GRAMD1C: variants seen among roughly 807,000 people sequenced by gnomAD.
The protein encoded by GRAMD1C is protein Aster-C.
A neutral mutation model predicts 97.8 loss-of-function variants in GRAMD1C; 89 were observed. The ratio of observed to expected loss-of-function variants is 0.91; its 90% CI spans 0.77 to 1.09. The LOEUF (loss-of-function observed/expected upper bound fraction) is 1.09, where lower values mean the gene tolerates loss of function less well. GRAMD1C is among the 50% of genes least tolerant of loss of function. The pLI is 0.00. For synonymous variants in GRAMD1C, 256 were observed against 267.0 expected (o/e 0.96, Z 0.40); for missense variants, 740 against 766.4 (o/e 0.97, Z 0.41).
chr3:113,846,594 G>C (rs754731752), intron 2 of GRAMD1C, among the ~76,000 whole-genome samples: 1 of 152,158 alleles, frequency 6.6e-6, no homozygotes, highest in Non-Finnish European at 1.5e-5. Flanking sequence ...AAAAAAGAGG[G>C]ATGTGTTCTA....
At chr3:113,900,051 AT>A (rs1439270306) in intron 6 of GRAMD1C, among the ~76,000 whole-genome samples, 2 of 152,102 alleles carry the variant, frequency 1.3e-5, no homozygotes, top group African/African-American at 4.8e-5. Flanking sequence ...GACTGGTTAG[AT>A]TGCAGAACTA....
chr3:113,909,092 A>G lies in GRAMD1C; in HGVS notation c.924A>G (p.Lys308=). The change falls in exon 9 of 18, where the codon AAA becomes AAG. Residue 308 remains lysine (K), a synonymous_variant. Transcript: ENST00000358160. Reference sequence around the variant, plus strand: ...AAAATGAATATCTTTCTCTGGACAAAAGCAGCACTTCAGATTCTGTTGATG... The same window carrying G: ...AAAATGAATATCTTTCTCTGGACAAGAGCAGCACTTCAGATTCTGTTGATG... ...LNKNEYLSLD[K]SSTSDSVDEE... is the part of the protein sequence containing the mutation. The G allele has an allele frequency of 6.5e-7, 1 of 1,542,968 alleles. No homozygotes were observed. Among genetic ancestry groups the G allele is most frequent in the Admixed American group, 2.2e-5 (1 of 45,070 alleles).
rs1031608671 is a variant in GRAMD1C at position 113,840,583 on chromosome 3, T to TA, written c.27+1659dup. Among the ~76,000 whole-genome samples, 352 of 138,186 alleles carry TA rather than the reference T, an allele frequency of 2.5e-3. 3 individuals carry two copies. Among genetic ancestry groups the TA allele is most frequent in the African/African-American group, 5.9e-3 (222 of 37,644 alleles). 90.7% of individuals were successfully genotyped at this position (138,186 alleles called of 152,430 possible). On this transcript the variant is annotated intron_variant, in intron 1 of 17. Transcript: ENST00000358160. ...AAGCAAGACCCTGTATCTACCAAAA[T>TA]AAAAAAAAAAAAGAAAGAAAAATTA...
intron 9 of GRAMD1C, among the ~76,000 whole-genome samples, chr3:113,909,808 T>A (rs1936502258): frequency 6.6e-6 from 1 of 152,208 alleles, no homozygotes; most frequent in Non-Finnish European, 1.5e-5. Flanking sequence ...AATGATTTTT[T>A]AAAAAGTGTA....
chr3:113,852,594 G>A (rs1318769449), intron 2 of GRAMD1C, among the ~76,000 whole-genome samples: 1 of 151,848 alleles, frequency 6.6e-6, no homozygotes, highest in African/African-American at 2.4e-5. Context: ...AAAACAGCGA[G>A]GGAAATATAC....
chr3:113,869,491 CT>C lies in GRAMD1C; in HGVS notation c.175-11del. 1 of 1,247,440 alleles carries C rather than the reference CT, an allele frequency of 8.0e-7. No individual in the cohort carries two copies. Among genetic ancestry groups the C allele is most frequent in the Non-Finnish European group, 1.2e-6 (1 of 865,992 alleles). The allele number at this position is 1,247,440 out of a possible 1,614,324, so 77.3% of individuals were successfully genotyped here. A position where few individuals can be genotyped will look rare whatever the true frequency, so the allele number is the denominator to read the frequency against. On this transcript the variant is annotated splice_polypyrimidine_tract_variant and intron_variant, in intron 2 of 17. Coordinates refer to ENST00000358160, the MANE Select transcript of GRAMD1C (RefSeq NM_017577.5). ...AATTACAATTAGACAGAAATGTAAT[CT>C]TTTTATTGTTGCAGATTTCAAGTTC...
rs754942702 is a variant in GRAMD1C at position 113,930,821 on chromosome 3, A to G, written c.1198A>G (p.Thr400Ala). Residue 400 changes from threonine to alanine, a missense_variant, in exon 11 of 18, where the codon ACT becomes GCT. Physicochemically the swap from Thr to Ala is moderately conservative, Grantham distance 58. Coordinates refer to ENST00000358160, the MANE Select transcript of GRAMD1C (RefSeq NM_017577.5). ...SPLTGKCTAA[T>A]EKQTLYKESR... is the part of the protein sequence containing the mutation. ...ACTTACTGGAAAATGCACTGCTGCC[A>G]CTGAAAAGCAGGTACGTCTGCTTTG... The G allele has an allele frequency of 6.4e-7, 1 of 1,565,834 alleles. No homozygotes were observed. The highest frequency in any genetic ancestry group is 8.8e-7 in the Non-Finnish European group (1 of 1,136,120).
rs371827177 is a variant in GRAMD1C, at chr3:113,945,329, TA to T, written c.1909-63del. 65 of 1,010,414 alleles carry T rather than the reference TA, an allele frequency of 6.4e-5. 3 individuals are homozygous for T. The highest frequency in any genetic ancestry group is 4.2e-4 in the Middle Eastern group (2 of 4,818). The allele number at this position is 1,010,414 out of a possible 1,614,324, so 62.6% of individuals were successfully genotyped here. On this transcript the variant is annotated intron_variant, in intron 17 of 17. Coordinates refer to ENST00000358160, the MANE Select transcript of GRAMD1C (RefSeq NM_017577.5). ...TAAGTGTCACTGTAAATTTTGGGCA[TA>T]AAAAACAGAAATTTTCAAATCTGAT... is the stretch of plus-strand genomic sequence containing the variant.
chr3:113,870,065 G>C (rs1025047726), intron 3 of GRAMD1C, among the ~76,000 whole-genome samples: 1 of 152,130 alleles, frequency 6.6e-6, no homozygotes. Flanking sequence ...ATCTCATGGA[G>C]ATAGAGTAGA....
At chr3:113,934,347 G>T in intron 12 of GRAMD1C, 85 bp from the exon 13 acceptor site, 1 of 700,894 alleles carries the variant, frequency 1.4e-6, no homozygotes, top group South Asian at 1.8e-5. Flanking sequence ...ACTTTCCACT[G>T]AATACAATCT....
intron 9 of GRAMD1C, among the ~76,000 whole-genome samples, chr3:113,911,171 G>GACACACACACACACACACACACACAC (rs760223728): frequency 2.1e-3 from 11 of 5,228 alleles, no homozygotes; most frequent in African/African-American, 3.9e-3. Flanking sequence ...AACAGAGAGA[G>GACACACACACACACACACACACACAC]AGACACACAC....
At chr3:113,836,860 T>C (rs1166682090), upstream of GRAMD1C, among the ~76,000 whole-genome samples, 6 of 152,048 alleles carry the variant, frequency 3.9e-5, no homozygotes, top group African/African-American at 7.2e-5. Context: ...GCCAGGTTGG[T>C]CTCAAACTCC....
chr3:113,875,575 A>T lies in GRAMD1C; in HGVS notation c.351A>T (p.Arg117Ser), dbSNP rs746682121. 2 of 1,378,412 alleles carry T rather than the reference A, an allele frequency of 1.5e-6. No homozygotes were observed. Among genetic ancestry groups the T allele is most frequent in the Non-Finnish European group, 2.1e-6 (2 of 963,246 alleles). The allele number at this position is 1,378,412 out of a possible 1,614,324, so 85.4% of individuals were successfully genotyped here. The stretch of plus-strand genomic sequence containing the variant: ...TATGTTTCTATAGCAACATCTTCAG[A>T]TGGGAAACTACAGTAAGACATTTTG... The part of the protein sequence containing the change: ...NWLCFYSNIF[R>S]WETTISIALK... Residue 117 changes from arginine (R) to serine (S), a missense_variant, in exon 4 of 18, where the codon AGA becomes AGT. Transcript: ENST00000358160.
chr3:113,940,436 A>G (rs1937715920), intron 17 of GRAMD1C, 91 bp downstream of exon 17: 2 of 738,372 alleles, frequency 2.7e-6, no homozygotes, highest in African/African-American at 1.7e-5. Flanking sequence ...TTACCCTACT[A>G]TCGTTTGAAA....
intron 9 of GRAMD1C, among the ~76,000 whole-genome samples, chr3:113,913,925 G>C (rs908523073): frequency 6.6e-6 from 1 of 152,224 alleles, no homozygotes; most frequent in Non-Finnish European, 1.5e-5. Context: ...TTTAGAGGGA[G>C]TGAGGGAGAT....
At chr3:113,944,469 C>G (rs888326983) in intron 17 of GRAMD1C, among the ~76,000 whole-genome samples, 1 of 152,218 alleles carries the variant, frequency 6.6e-6, no homozygotes, top group East Asian at 1.9e-4. Flanking sequence ...CACTTGCCTA[C>G]TTGGCATCTT....
Position 113,876,255 on chromosome 3 carries a change from GA to G in GRAMD1C, c.458del (p.Lys153SerfsTer26). The G allele has an allele frequency of 6.5e-7, 1 of 1,534,942 alleles. No individual in the cohort carries two copies. Among genetic ancestry groups the G allele is most frequent in the Non-Finnish European group, 9.0e-7 (1 of 1,110,048 alleles). ...PNAIQIVTES[E>X]KFFFTSFGAR... The stretch of plus-strand genomic sequence containing the variant: ...CGCTATCCAGATAGTTACAGAAAGT[GA>G]AAAGGTGAAAACTTTCCTATCTTTG... On this transcript the variant is annotated frameshift_variant, in exon 5 of 18. Coordinates refer to ENST00000358160, the MANE Select transcript of GRAMD1C (RefSeq NM_017577.5). LOFTEE classifies it high-confidence loss of function.
intron 2 of GRAMD1C, among the ~76,000 whole-genome samples, chr3:113,865,207 C>T (rs756663829): frequency 6.6e-6 from 1 of 152,140 alleles, no homozygotes; most frequent in Non-Finnish European, 1.5e-5. Context: ...AGAGAGCACT[C>T]CCACAAGATG....
At chr3:113,828,289 AC>A (rs1709513012) in intron 1 of GRAMD1C, 1 of 152,272 alleles carries the variant, frequency 6.6e-6, no homozygotes, top group Admixed American at 6.5e-5. Context: ...TGTAAGTGAG[AC>A]ACCATAGAAG....
Sources: allele counts gnomAD v4.1 joint callset (sites outside exome capture counted in the v4.1 genomes callset), GRCh38; gene constraint gnomAD v4.1.1; transcripts MANE v1.5; gene names NCBI Gene and HGNC (gene_info 2026-07-23, HGNC 2026-07-21).